The following SLC38A6 variants were observed in gnomAD, a reference collection of about 807,000 sequenced individuals.
SLC38A6 encodes the protein N system amino acid transporter NAT-1.
A neutral mutation model predicts 65.0 loss-of-function variants in SLC38A6; 73 were observed. The ratio of observed to expected loss-of-function variants is 1.12; its 90% CI spans 0.93 to 1.37. The LOEUF (loss-of-function observed/expected upper bound fraction) is 1.37, where lower values mean the gene tolerates loss of function less well. Among genes scored for constraint, SLC38A6 ranks in the 40% most tolerant of loss-of-function variants. The probability of loss-of-function intolerance (pLI) is 0.00; values close to 1 mark genes in which losing one functional copy is unlikely to be tolerated. For missense variants in SLC38A6, 561 were observed against 531.1 expected, an observed-to-expected ratio of 1.06 and a Z score of -0.55; for synonymous variants, 183 against 178.8, an observed-to-expected ratio of 1.02 and a Z score of -0.19.
intron 3 of SLC38A6, among the ~76,000 whole-genome samples, chr14:61,006,877 T>C (rs569884028): frequency 1.3e-5 from 2 of 152,156 alleles, no homozygotes; most frequent in Non-Finnish European, 2.9e-5. Context: ...TGCACACATA[T>C]GTTTATTGCG....
chr14:61,067,804 TC>T (rs2071541623), intron 15 of SLC38A6, among the ~76,000 whole-genome samples: 1 of 152,146 alleles, frequency 6.6e-6, no homozygotes, highest in African/African-American at 2.4e-5. Flanking sequence ...CCTGTTAGCT[TC>T]AGTGCACCAC....
At chr14:61,075,662 G>A (rs961313388) in intron 15 of SLC38A6, among the ~76,000 whole-genome samples, 6 of 152,100 alleles carry the variant, frequency 3.9e-5, no homozygotes, top group African/African-American at 9.7e-5. Context: ...CTTGGAGATT[G>A]GAGCAGTTCT....
chr14:61,043,060 A>G, intron 8 of SLC38A6, 87 bp from the exon 9 acceptor site: 2 of 828,940 alleles, frequency 2.4e-6, no homozygotes, highest in South Asian at 1.7e-5. Context: ...ATCTTATTTA[A>G]TTGAAATGAT....
chr14:60,990,066 G>A (rs1285688512), intron 3 of SLC38A6, among the ~76,000 whole-genome samples: 1 of 150,092 alleles, frequency 6.7e-6, no homozygotes, highest in African/African-American at 2.4e-5. Context: ...GTCTCACTCT[G>A]TCACCCAGGC....
At chr14:61,083,660 G>C (rs1301987589) in exon 17 of SLC38A6, 6 of 1,550,162 alleles carry the variant, frequency 3.9e-6, no homozygotes, top group African/African-American at 1.4e-5. Flanking sequence ...AGAACCAAAC[G>C]TGTCCACACC....
chr14:61,074,701 CCCTCCCTCCCTT>C (rs1237375757), intron 15 of SLC38A6, among the ~76,000 whole-genome samples: 29 of 45,440 alleles, frequency 6.4e-4, no homozygotes, highest in Admixed American at 3.0e-3. Context: ...CTCCCTCCCT[CCCTCCCTCCCTT>C]CCTTCCTTCC....
At chr14:61,006,650 G>A (rs1253603672) in intron 3 of SLC38A6, among the ~76,000 whole-genome samples, 2 of 152,200 alleles carry the variant, frequency 1.3e-5, no homozygotes, top group Non-Finnish European at 2.9e-5. Flanking sequence ...AGTTAGAATG[G>A]CAGTCATTAA....
At chr14:61,005,009 C>G (rs1396356045) in intron 3 of SLC38A6, among the ~76,000 whole-genome samples, 1 of 152,080 alleles carries the variant, frequency 6.6e-6, no homozygotes, top group African/African-American at 2.4e-5. Flanking sequence ...GGGCTTCATC[C>G]CTAGGATGCA....
At chr14:61,033,685 C>T (rs2041157512) in intron 6 of SLC38A6, among the ~76,000 whole-genome samples, 1 of 152,090 alleles carries the variant, frequency 6.6e-6, no homozygotes, top group Non-Finnish European at 1.5e-5. Flanking sequence ...TTGAGAAACA[C>T]AATTCATTTG....
At chr14:61,031,348 C>G (rs1327408047) in intron 6 of SLC38A6, among the ~76,000 whole-genome samples, 1 of 152,074 alleles carries the variant, frequency 6.6e-6, no homozygotes, top group African/African-American at 2.4e-5. Context: ...AATAATTGAA[C>G]TTGTTCTGGA....
intron 15 of SLC38A6, among the ~76,000 whole-genome samples, chr14:61,063,159 TTG>T (rs2042912336): frequency 6.6e-6 from 1 of 152,216 alleles, no homozygotes; most frequent in Non-Finnish European, 1.5e-5. Flanking sequence ...ATATACAAAA[TTG>T]ATTCTTAGCT....
intron 12 of SLC38A6, among the ~76,000 whole-genome samples, chr14:61,049,215 A>G (rs1169100888): frequency 6.6e-6 from 1 of 152,172 alleles, no homozygotes; most frequent in African/African-American, 2.4e-5. Flanking sequence ...TCTGTGGCCT[A>G]CCAGGTTGAG....
At chr14:61,036,385 T>C (rs553790491) in intron 6 of SLC38A6, among the ~76,000 whole-genome samples, 1 of 151,672 alleles carries the variant, frequency 6.6e-6, no homozygotes, top group East Asian at 1.9e-4. Flanking sequence ...TAAGTGAGAG[T>C]TGAGCAATGA....
intron 3 of SLC38A6, among the ~76,000 whole-genome samples, chr14:60,997,906 T>A (rs912262651): frequency 3.5e-4 from 53 of 152,254 alleles, no homozygotes; most frequent in African/African-American, 1.1e-3. Flanking sequence ...TTTAGACTTA[T>A]ATGTAGGTGG....
chr14:61,070,707 C>T (rs918562511), intron 15 of SLC38A6, among the ~76,000 whole-genome samples: 1 of 152,154 alleles, frequency 6.6e-6, no homozygotes, highest in African/African-American at 2.4e-5. Flanking sequence ...TTCTCCATAT[C>T]CTTGCCAGCA....
intron 3 of SLC38A6, among the ~76,000 whole-genome samples, chr14:61,014,334 C>T (rs1415053628): frequency 6.6e-6 from 1 of 152,002 alleles, no homozygotes; most frequent in Non-Finnish European, 1.5e-5. Flanking sequence ...TTCGAACTTC[C>T]TCCTTTAGCT....
At chr14:61,063,862 A>G (rs1258013664) in intron 15 of SLC38A6, among the ~76,000 whole-genome samples, 1 of 152,242 alleles carries the variant, frequency 6.6e-6, no homozygotes, top group Non-Finnish European at 1.5e-5. Flanking sequence ...TGCCTATTAT[A>G]CAGGGTCATA....
In SLC38A6 at chr14:61,045,377, C is replaced by T. The variant is rs868414334; in HGVS notation, c.776C>T (p.Ser259Leu). ...SAYALPTMAF[S>L]FLCHTSILPI... is the part of the protein sequence containing the mutation. The stretch of plus-strand genomic sequence containing the variant: ...TATGCCTTACCAACCATGGCTTTTT[C>T]ATTTCTCTGCCATACCTCAATATTG... Residue 259 changes from serine to leucine, a missense_variant, in exon 11 of 16, where the codon TCA becomes TTA. Ser to Leu is a moderately radical substitution (Grantham distance 145, BLOSUM62 -2). Coordinates refer to ENST00000267488, the MANE Select transcript of SLC38A6 (RefSeq NM_153811.3). 1 of 1,613,446 alleles carries T rather than the reference C, an allele frequency of 6.2e-7. No homozygotes were observed. Among genetic ancestry groups the T allele is most frequent in the Non-Finnish European group, 8.5e-7 (1 of 1,179,742 alleles).
intron 15 of SLC38A6, among the ~76,000 whole-genome samples, chr14:61,067,840 G>T (rs1169570758): frequency 6.6e-6 from 1 of 151,250 alleles, no homozygotes; most frequent in Non-Finnish European, 1.5e-5. Context: ...TCTTTTTTTT[G>T]AATCTTGATT....
Sources: allele counts gnomAD v4.1 joint callset (sites outside exome capture counted in the v4.1 genomes callset), GRCh38; gene constraint gnomAD v4.1.1; transcripts MANE v1.5; gene names NCBI Gene and HGNC (gene_info 2026-07-23, HGNC 2026-07-21).